CNTNAP5: variants seen among roughly 807,000 people sequenced by gnomAD.
The protein encoded by CNTNAP5 is contactin associated protein family member 5.
CNTNAP5 carries 72 observed loss-of-function variants against 150.2 expected under a neutral mutation model. That is an observed-to-expected ratio of 0.48 (90% confidence interval 0.40 to 0.58). The LOEUF (loss-of-function observed/expected upper bound fraction) is 0.58. Ranked by LOEUF, CNTNAP5 falls within the 20% of genes least tolerant of loss-of-function variation. The probability of loss-of-function intolerance (pLI) is 0.00; values close to 1 mark genes in which losing one functional copy is unlikely to be tolerated. For missense variants in CNTNAP5, 1,636 were observed against 1,626.2 expected (o/e 1.01, Z -0.10); for synonymous variants, 672 against 619.8 (o/e 1.08, Z -1.25).
chr2:124,058,820 C>A (rs1297787255), intron 1 of CNTNAP5, among the ~76,000 whole-genome samples: 1 of 152,170 alleles, frequency 6.6e-6, no homozygotes, highest in African/African-American at 2.4e-5. Context: ...CCAGTCCTTG[C>A]ATGGGAGGTT....
chr2:124,402,497 G>C (rs1691452872), intron 3 of CNTNAP5, among the ~76,000 whole-genome samples: 1 of 152,176 alleles, frequency 6.6e-6, no homozygotes, highest in African/African-American at 2.4e-5. Flanking sequence ...CCACACAACT[G>C]GTGGTGAGAT....
intron 1 of CNTNAP5, among the ~76,000 whole-genome samples, chr2:124,158,163 C>G (rs879327979): frequency 6.6e-6 from 1 of 152,108 alleles, no homozygotes; most frequent in Non-Finnish European, 1.5e-5. Flanking sequence ...TCTGGTTAAG[C>G]CAGTCAATTT....
At chr2:124,871,569 C>A (rs925354616) in intron 21 of CNTNAP5, among the ~76,000 whole-genome samples, 2 of 152,118 alleles carry the variant, frequency 1.3e-5, no homozygotes, top group South Asian at 4.1e-4. Context: ...TTCCCTACCT[C>A]TTCCTACTGA....
At chr2:124,878,970 AC>A (rs1165371607) in intron 21 of CNTNAP5, among the ~76,000 whole-genome samples, 1 of 152,082 alleles carries the variant, frequency 6.6e-6, no homozygotes, top group Non-Finnish European at 1.5e-5. Context: ...GGCATGAGCC[AC>A]CACACCTGGC....
At chr2:124,607,904 T>C (rs1677292281) in intron 11 of CNTNAP5, among the ~76,000 whole-genome samples, 1 of 152,204 alleles carries the variant, frequency 6.6e-6, no homozygotes, top group South Asian at 2.1e-4. Context: ...CTGTACATTA[T>C]GCTCACAATG....
chr2:124,437,551 A>T (rs1237908410), intron 5 of CNTNAP5, among the ~76,000 whole-genome samples: 4 of 150,832 alleles, frequency 2.7e-5, no homozygotes, highest in South Asian at 2.1e-4. Flanking sequence ...AAAATAATAT[A>T]AAAAAAAGAA....
intron 7 of CNTNAP5, among the ~76,000 whole-genome samples, chr2:124,503,659 A>G (rs1205120615): frequency 2.0e-5 from 3 of 152,178 alleles, no homozygotes; most frequent in African/African-American, 4.8e-5. Flanking sequence ...AGGGCTTTCA[A>G]GCTCTGCCTC....
In CNTNAP5 at chr2:124,186,902, T is replaced by C. The variant is rs1201636506; in HGVS notation, c.83-34803T>C. On this transcript the variant is annotated intron_variant, in intron 1 of 23. Coordinates refer to ENST00000682447, the MANE Select transcript of CNTNAP5 (RefSeq NM_001367498.1). ...AAAAATGCAGTGCAAACTCAGTGTG[T>C]TGAGTGCTCCTGGGTCTTACATCCT... is the stretch of plus-strand genomic sequence containing the variant. Among the ~76,000 whole-genome samples the C allele has an allele frequency of 4.6e-5, 7 of 152,340 alleles. No homozygotes were observed. In the East Asian group the frequency reaches 1.2e-3, roughly 25 times the overall value.
chr2:124,491,201 A>G (rs1694016066), intron 7 of CNTNAP5, among the ~76,000 whole-genome samples: 1 of 152,074 alleles, frequency 6.6e-6, no homozygotes, highest in African/African-American at 2.4e-5. Context: ...GTACCCTTTG[A>G]TTAACATCTC....
At chr2:124,545,523 C>T (rs1238351138) in intron 10 of CNTNAP5, among the ~76,000 whole-genome samples, 1 of 152,082 alleles carries the variant, frequency 6.6e-6, no homozygotes, top group Non-Finnish European at 1.5e-5. Flanking sequence ...CTTTGAAAAT[C>T]ATAACATTTA....
At chr2:124,722,911 C>G (rs539674278) in intron 13 of CNTNAP5, among the ~76,000 whole-genome samples, 1 of 152,310 alleles carries the variant, frequency 6.6e-6, no homozygotes, top group African/African-American at 2.4e-5. Flanking sequence ...CTATTGTCTT[C>G]TCTCTGTCAC....
intron 1 of CNTNAP5, among the ~76,000 whole-genome samples, chr2:124,039,346 T>C (rs945924662): frequency 6.6e-6 from 1 of 152,156 alleles, no homozygotes; most frequent in African/African-American, 2.4e-5. Context: ...ATAAATTGAA[T>C]TGAAGCACAA....
intron 13 of CNTNAP5, among the ~76,000 whole-genome samples, chr2:124,736,381 T>C (rs1680382949): frequency 6.6e-6 from 1 of 152,246 alleles, no homozygotes; most frequent in Non-Finnish European, 1.5e-5. Flanking sequence ...TAAATTGAAT[T>C]AAAAATAATG....
intron 11 of CNTNAP5, among the ~76,000 whole-genome samples, chr2:124,588,945 G>A (rs1289658610): frequency 6.6e-6 from 1 of 152,080 alleles, no homozygotes; most frequent in East Asian, 1.9e-4. Context: ...AGGCTCTGGT[G>A]CAGTGTGTCC....
Position 124,790,249 on chromosome 2 carries a change from C to G in CNTNAP5, c.2992+108C>G. 3.3e-6 allele frequency: 4 copies of G among 1,227,132 alleles called. No individual in the cohort carries two copies. The Admixed American group carries it at 1.1e-4, about 34-fold the overall frequency. The allele number at this position is 1,227,132 out of a possible 1,614,324, so 76.0% of individuals were successfully genotyped here. A position where few individuals can be genotyped will look rare whatever the true frequency, so the allele number is the denominator to read the frequency against. On this transcript the variant is annotated intron_variant, in intron 18 of 23. Coordinates refer to ENST00000682447, the MANE Select transcript of CNTNAP5 (RefSeq NM_001367498.1). Reference sequence around the variant, plus strand: ...TGAGACAGTCTTTATCATCTACTCTCCCGCTGTTTAGAGAGTCTGCATAGT... The same window carrying G: ...TGAGACAGTCTTTATCATCTACTCTGCCGCTGTTTAGAGAGTCTGCATAGT...
intron 13 of CNTNAP5, among the ~76,000 whole-genome samples, chr2:124,680,345 C>T (rs1679037636): frequency 6.6e-6 from 1 of 151,892 alleles, no homozygotes; most frequent in African/African-American, 2.4e-5. Flanking sequence ...TGTACTGCCC[C>T]TCTACTGGTC....
chr2:124,356,546 G>A (rs1469692680), intron 3 of CNTNAP5, among the ~76,000 whole-genome samples: 4 of 148,294 alleles, frequency 2.7e-5, no homozygotes, highest in Non-Finnish European at 5.9e-5. Context: ...CTATGAGTGA[G>A]AATATGCGGT....
intron 3 of CNTNAP5, among the ~76,000 whole-genome samples, chr2:124,349,989 A>T (rs1042186602): frequency 9.7e-5 from 14 of 144,968 alleles, no homozygotes; most frequent in African/African-American, 3.3e-4. Context: ...GGTTCAAGCG[A>T]TTCTCCTGCC....
intron 17 of CNTNAP5, among the ~76,000 whole-genome samples, chr2:124,782,896 A>C (rs967582419): frequency 6.6e-6 from 1 of 152,196 alleles, no homozygotes; most frequent in Non-Finnish European, 1.5e-5. Flanking sequence ...CAAAACCTAT[A>C]CTATGCCCAT....
Sources: gnomAD v4.1 joint callset for allele counts (sites outside exome capture counted in the v4.1 genomes callset) on GRCh38, gnomAD v4.1.1 for gene constraint, MANE v1.5 for transcripts, NCBI Gene and HGNC (gene_info 2026-07-23, HGNC 2026-07-21) for gene names.